The following CRKL variants were observed in gnomAD, a reference collection of about 807,000 sequenced individuals.
CRKL encodes CRK like proto-oncogene, adaptor protein, also known as crk-like protein.
CRKL carries 3 observed loss-of-function variants against 23.0 expected under a neutral mutation model. The observed-to-expected ratio is 0.13, with a 90% CI of 0.06 to 0.34. CRKL has a LOEUF of 0.34. Among genes scored for constraint, CRKL ranks in the 10% least tolerant of loss-of-function variants. CRKL has a pLI of 1.00. For synonymous variants in CRKL, 188 were observed against 160.7 expected (o/e 1.17, Z -1.28); for missense variants, 256 against 394.5 (o/e 0.65, Z 2.97).
In CRKL at chr22:20,927,111, CAAAAAAAAAAAA is replaced by C. The variant is rs371278201; in HGVS notation, c.312-6654_312-6643del. ...TGGGTGACAGAGCAAGACTCCGTCTCAAAAAAAAAAAAAAAAAAAAAAAAAGAATGGTGGTTA... is the reference window on the plus strand; with the variant it reads ...TGGGTGACAGAGCAAGACTCCGTCTCAAAAAAAAAAAAAGAATGGTGGTTA... On this transcript the variant is annotated intron_variant, in intron 1 of 2. Coordinates refer to ENST00000354336, the MANE Select transcript of CRKL (RefSeq NM_005207.4). 1.6e-3 allele frequency among the ~76,000 whole-genome samples: 80 copies of C among 48,518 alleles called. 1 individual carries two copies. The highest frequency in any genetic ancestry group is 7.0e-3 in the African/African-American group (64 of 9,158). The allele number at this position is 48,518 out of a possible 152,430, so 31.8% of individuals were successfully genotyped here. A position where few individuals can be genotyped will look rare whatever the true frequency, so the allele number is the denominator to read the frequency against.
At chr22:20,934,596 C>T (rs1339853400) in intron 2 of CRKL, among the ~76,000 whole-genome samples, 1 of 151,990 alleles carries the variant, frequency 6.6e-6, no homozygotes, top group African/African-American at 2.4e-5. Context: ...CCCAAATTCT[C>T]AGCCTTCTTG....
chr22:20,926,888 G>A (rs1362518285), intron 1 of CRKL, among the ~76,000 whole-genome samples: 2 of 151,888 alleles, frequency 1.3e-5, no homozygotes, highest in Admixed American at 1.3e-4. Flanking sequence ...GAGGCAGGTG[G>A]ATTGCCTGAG....
chr22:20,927,842 CAAAAAA>C (rs796204860), intron 1 of CRKL, among the ~76,000 whole-genome samples: 51 of 56,258 alleles, frequency 9.1e-4, no homozygotes, highest in African/African-American at 4.4e-4. Flanking sequence ...GACTCTGTCT[CAAAAAA>C]AAAAAAAAAA....
rs138628507 is a variant in CRKL at position 20,933,421 on chromosome 22, C to T, written c.312-358C>T. On this transcript the variant is annotated intron_variant, in intron 1 of 2. Coordinates refer to ENST00000354336, the MANE Select transcript of CRKL (RefSeq NM_005207.4). ...GTGGCTCATGCTTGTAATCCCAGCA[C>T]GTTGGGAGGCCGAGGTGCGTGGATC... 2.2e-3 allele frequency among the ~76,000 whole-genome samples: 340 copies of T among 151,864 alleles called. 4 individuals carry two copies. Among genetic ancestry groups the T allele is most frequent in the African/African-American group, 7.9e-3 (329 of 41,396 alleles).
chr22:20,932,458 G>A (rs1921490856), intron 1 of CRKL, among the ~76,000 whole-genome samples: 1 of 151,964 alleles, frequency 6.6e-6, no homozygotes, highest in Non-Finnish European at 1.5e-5. Context: ...TTTTCAAGAG[G>A]CCAGAGGCAG....
Position 20,933,818 on chromosome 22 carries a change from C to A in CRKL, c.351C>A (p.Asn117Lys), listed in dbSNP as rs778350864. The change falls in exon 2 of 3, where the codon AAC becomes AAA. Residue 117 changes from asparagine (N) to lysine (K), a missense_variant. Transcript: ENST00000354336. ...CAATGGGATCTGTCTCAGCACCCAA[C>A]CTGCCTACAGCAGAAGATAACCTGG... ...SPPMGSVSAP[N>K]LPTAEDNLEY... 15 of 1,614,006 alleles carry A rather than the reference C, an allele frequency of 9.3e-6. No homozygotes were observed. In the East Asian group the frequency reaches 2.7e-4, roughly 29 times the overall value.
intron 2 of CRKL, among the ~76,000 whole-genome samples, chr22:20,947,640 TTTTTC>T (rs139246875): frequency 0.23 from 33,682 of 143,736 alleles, 5,183 homozygotes; most frequent in Non-Finnish European, 0.34. Context: ...GCGCCTAGGC[TTTTTC>T]TTTTCTTTTC....
chr22:20,922,486 A>G (rs1921029779), intron 1 of CRKL, among the ~76,000 whole-genome samples: 1 of 152,130 alleles, frequency 6.6e-6, no homozygotes, highest in Admixed American at 6.6e-5. Flanking sequence ...CTACAAAATG[A>G]TGGTGACTAA....
Position 20,918,254 on chromosome 22 carries a change from G to C in CRKL, c.311+9G>C, listed in dbSNP as rs1463670090. On this transcript the variant is annotated intron_variant, in intron 1 of 2. Coordinates refer to ENST00000354336, the MANE Select transcript of CRKL (RefSeq NM_005207.4). Reference sequence around the variant, plus strand: ...ATCGAGCCTGCGCCCAGGTACGCGAGAGCCCTCCCCGACCGCGGAGGAAGG... The same window carrying C: ...ATCGAGCCTGCGCCCAGGTACGCGACAGCCCTCCCCGACCGCGGAGGAAGG... The C allele has an allele frequency of 1.2e-6, 2 of 1,612,494 alleles. No homozygotes were observed. The highest frequency in any genetic ancestry group is 4.5e-5 in the East Asian group (2 of 44,876).
chr22:20,939,999 A>G (rs916241210), intron 2 of CRKL, among the ~76,000 whole-genome samples: 1 of 152,030 alleles, frequency 6.6e-6, no homozygotes, highest in African/African-American at 2.4e-5. Context: ...CATGTTGGCC[A>G]GGCTGGTCTC....
chr22:20,949,976 C>T lies in CRKL; in HGVS notation c.*131C>T, dbSNP rs878948440. ...GTCCAGCTTTCTGCAGACTGGCAGT[C>T]GCACACACATTTGGAATGCACACAG... is the stretch of plus-strand genomic sequence containing the variant. On this transcript the variant is annotated 3_prime_UTR_variant, in exon 3 of 3. Transcript: ENST00000354336. 98 of 1,237,630 alleles carry T rather than the reference C, an allele frequency of 7.9e-5. 1 individual carries two copies. In the South Asian group the frequency reaches 1.3e-3, roughly 16 times the overall value. The allele number at this position is 1,237,630 out of a possible 1,614,324, so 76.7% of individuals were successfully genotyped here.
intron 2 of CRKL, among the ~76,000 whole-genome samples, chr22:20,947,241 CTT>C (rs200264489): frequency 9.1e-5 from 13 of 143,434 alleles, no homozygotes; most frequent in African/African-American, 2.3e-4. Flanking sequence ...GTCTCTCTCT[CTT>C]TTTTTTTTTT....
At chr22:20,942,705 C>G (rs1395150546) in intron 2 of CRKL, among the ~76,000 whole-genome samples, 1 of 152,030 alleles carries the variant, frequency 6.6e-6, no homozygotes, top group Non-Finnish European at 1.5e-5. Context: ...ACTGCAACCT[C>G]CATCTCCTGG....
At chr22:20,936,004 C>T (rs1278229963) in intron 2 of CRKL, among the ~76,000 whole-genome samples, 3 of 152,076 alleles carry the variant, frequency 2.0e-5, no homozygotes, top group Non-Finnish European at 4.4e-5. Context: ...CCAAAAAATA[C>T]AAAAATGAGC....
At chr22:20,946,977 G>T (rs1024882861) in intron 2 of CRKL, among the ~76,000 whole-genome samples, 2 of 152,192 alleles carry the variant, frequency 1.3e-5, no homozygotes, top group Admixed American at 6.5e-5. Context: ...TATCTTTACT[G>T]TGTTGAGATA....
intron 1 of CRKL, among the ~76,000 whole-genome samples, chr22:20,927,585 G>C (rs1013334198): frequency 6.8e-6 from 1 of 146,396 alleles, no homozygotes; most frequent in Non-Finnish European, 1.5e-5. Context: ...GCTCACGCCT[G>C]TAATCTCAGC....
Position 20,953,029 on chromosome 22 carries a change from C to T in CRKL, c.*3184C>T, listed in dbSNP as rs1182750394. ...GCTTTCCTTTACAGCTGTTTACAGA[C>T]AAGGCAGGCCTGAGGCAGATGGCCA... On this transcript the variant is annotated 3_prime_UTR_variant, in exon 3 of 3. Transcript: ENST00000354336. The T allele has an allele frequency of 8.6e-6, 2 of 232,118 alleles. No homozygotes were observed. The highest frequency in any genetic ancestry group is 1.7e-5 in the Non-Finnish European group (2 of 117,198). 14.4% of individuals were successfully genotyped at this position (232,118 alleles called of 1,614,324 possible).
rs142185959 is a variant in CRKL, at chr22:20,952,749, T to G, written c.*2904T>G. The G allele has an allele frequency of 4.3e-6, 1 of 231,684 alleles. No individual in the cohort carries two copies. Among genetic ancestry groups the G allele is most frequent in the Admixed American group, 5.6e-5 (1 of 17,738 alleles). 14.4% of individuals were successfully genotyped at this position (231,684 alleles called of 1,614,324 possible). A position where few individuals can be genotyped will look rare whatever the true frequency, so the allele number is the denominator to read the frequency against. On this transcript the variant is annotated 3_prime_UTR_variant, in exon 3 of 3. Coordinates refer to ENST00000354336, the MANE Select transcript of CRKL (RefSeq NM_005207.4). The stretch of plus-strand genomic sequence containing the variant: ...GTTTTTCACCTGGGAAGGAAACAAA[T>G]TACGTACTAGAGGGCATTGACTGGT...
chr22:20,928,812 CAAAAAAAAAAAAAAA>C (rs57896414), intron 1 of CRKL, among the ~76,000 whole-genome samples: 1 of 81,572 alleles, frequency 1.2e-5, no homozygotes, highest in Non-Finnish European at 2.3e-5. Context: ...GATCCCATCT[CAAAAAAAAAAAAAAA>C]AAAAAAAAAA....
Sources: gnomAD v4.1 joint callset for allele counts (sites outside exome capture counted in the v4.1 genomes callset) on GRCh38, gnomAD v4.1.1 for gene constraint, MANE v1.5 for transcripts, NCBI Gene and HGNC (gene_info 2026-07-23, HGNC 2026-07-21) for gene names.